Variants in FKBP4 observed in about 807,000 individuals in gnomAD.
The protein encoded by FKBP4 is peptidyl-prolyl cis-trans isomerase FKBP4.
Under a neutral mutation model 54.1 loss-of-function variants are expected in FKBP4, and 28 were observed. The observed-to-expected ratio is 0.52, with a 90% CI of 0.38 to 0.71. The LOEUF (loss-of-function observed/expected upper bound fraction) is 0.71, where lower values mean the gene tolerates loss of function less well. Among genes scored for constraint, FKBP4 ranks in the 30% least tolerant of loss-of-function variants. FKBP4 has a pLI of 0.00. For missense variants in FKBP4, 493 were observed against 574.4 expected (o/e 0.86, Z 1.45); for synonymous variants, 223 against 216.1 (o/e 1.03, Z -0.28).
rs759713773 is a variant in FKBP4 at position 2,801,113 on chromosome 12, T to G, written c.1033-4T>G. On this transcript the variant is annotated splice_region_variant and splice_polypyrimidine_tract_variant and intron_variant, in intron 8 of 9. Transcript: ENST00000001008. ...CAATGTGGCTTCCTCTCTGCATTCT[T>G]TAGGCCCTAGAACTGGACAGCAACA... The G allele has an allele frequency of 2.5e-6, 4 of 1,613,720 alleles. No homozygotes were observed. The highest frequency in any genetic ancestry group is 2.7e-5 in the African/African-American group (2 of 74,880).
At chr12:2,797,083 G>A in intron 1 of FKBP4, 55 bp from the exon 2 acceptor site, 1 of 1,605,914 alleles carries the variant, frequency 6.2e-7, no homozygotes, top group East Asian at 2.2e-5. Context: ...GGCAGTGCTG[G>A]TGCCCCTTTC....
Position 2,803,561 on chromosome 12 carries a change from A to G in FKBP4, c.*303A>G. The G allele has an allele frequency of 3.5e-6, 1 of 285,536 alleles. No homozygotes were observed. Among genetic ancestry groups the G allele is most frequent in the Non-Finnish European group, 6.9e-6 (1 of 144,390 alleles). 17.7% of individuals were successfully genotyped at this position (285,536 alleles called of 1,614,324 possible). A position where few individuals can be genotyped will look rare whatever the true frequency, so the allele number is the denominator to read the frequency against. On this transcript the variant is annotated 3_prime_UTR_variant, in exon 10 of 10. Transcript: ENST00000001008. ...TCTGTTAGGTCCATTTTCTAAGGGT[A>G]GAAGAGGCAAGTGGTAGGGATGAGG...
rs891573362 is a variant in FKBP4, at chr12:2,795,505, G to C, written c.105+261G>C. Among the ~76,000 whole-genome samples, 1 of 146,996 alleles carries C rather than the reference G, an allele frequency of 6.8e-6. No individual in the cohort carries two copies. Among genetic ancestry groups the C allele is most frequent in the Non-Finnish European group, 1.5e-5 (1 of 65,996 alleles). On this transcript the variant is annotated intron_variant, in intron 1 of 9. Coordinates refer to ENST00000001008, the MANE Select transcript of FKBP4 (RefSeq NM_002014.4). The surrounding 1 kb of genome is among the most constrained non-coding windows in gnomAD (Gnocchi z 4.3). Reference sequence around the variant, plus strand: ...CAGGCTCCCCAGCCGGCAGCGCCCGGGCCCGGGCAGGGGGTCGGGATTGCA... The same window carrying C: ...CAGGCTCCCCAGCCGGCAGCGCCCGCGCCCGGGCAGGGGGTCGGGATTGCA...
At chr12:2,796,282 G>C (rs982636879) in intron 1 of FKBP4, 1 of 1,289,222 alleles carries the variant, frequency 7.8e-7, no homozygotes, top group Non-Finnish European at 1.0e-6. Context: ...GGGACCTCAA[G>C]CGTCTGCTCC....
intron 1 of FKBP4, chr12:2,796,638 G>C (rs1259637099): frequency 8.8e-7 from 1 of 1,130,372 alleles, no homozygotes; most frequent in Admixed American, 4.5e-5. Context: ...GTTTTGAACT[G>C]TTTCTATTCT....
In FKBP4 at chr12:2,800,388, C is replaced by A; in HGVS notation, c.847-4C>A. 1 of 1,606,218 alleles carries A rather than the reference C, an allele frequency of 6.2e-7. No homozygotes were observed. The highest frequency in any genetic ancestry group is 1.7e-5 in the Admixed American group (1 of 59,382). Reference sequence around the variant, plus strand: ...CAGGTGCCTGAGCCTCTCTCCCATTCCAGGAAGGTAAATACAAGCAAGCTT... The same window carrying A: ...CAGGTGCCTGAGCCTCTCTCCCATTACAGGAAGGTAAATACAAGCAAGCTT... On this transcript the variant is annotated splice_polypyrimidine_tract_variant and splice_region_variant and intron_variant, in intron 7 of 9. Transcript: ENST00000001008.
Position 2,795,990 on chromosome 12 carries a change from TCTG to T in FKBP4, c.105+750_105+752del. Reference sequence around the variant, plus strand: ...GGGGTGTGGGGCGGGGAGGAGGCGCTCTGCTGTGGAGCCTGCCGCCGAGTGACC... The same window carrying T: ...GGGGTGTGGGGCGGGGAGGAGGCGCTCTGTGGAGCCTGCCGCCGAGTGACC... On this transcript the variant is annotated intron_variant, in intron 1 of 9. Coordinates refer to ENST00000001008, the MANE Select transcript of FKBP4 (RefSeq NM_002014.4). This position sits in a 1 kb window ranked among gnomAD's most constrained non-coding sequence, Gnocchi z 4.3. 1 of 1,096,126 alleles carries T rather than the reference TCTG, an allele frequency of 9.1e-7. No homozygotes were observed. Among genetic ancestry groups the T allele is most frequent in the Non-Finnish European group, 1.1e-6 (1 of 892,556 alleles). 67.9% of individuals were successfully genotyped at this position (1,096,126 alleles called of 1,614,324 possible).
Position 2,803,297 on chromosome 12 carries a change from C to T in FKBP4, c.*39C>T. On this transcript the variant is annotated 3_prime_UTR_variant, in exon 10 of 10. Coordinates refer to ENST00000001008, the MANE Select transcript of FKBP4 (RefSeq NM_002014.4). ...GCCCTACTCCTGCGGCTGCCTGCCC[C>T]CCAGTCTCCCCACTCCACCCTGTTA... The T allele has an allele frequency of 6.6e-6, 9 of 1,365,480 alleles. No homozygotes were observed. The highest frequency in any genetic ancestry group is 9.1e-6 in the Non-Finnish European group (9 of 985,458). 84.6% of individuals were successfully genotyped at this position (1,365,480 alleles called of 1,614,324 possible).
Position 2,798,432 on chromosome 12 carries a change from G to A in FKBP4, c.394-274G>A, listed in dbSNP as rs868163306. Reference sequence around the variant, plus strand: ...TGTGAATTAGGATTATCTGGGACGCGTCCTGATATGTCCGTGTTAGTAGAG... The same window carrying A: ...TGTGAATTAGGATTATCTGGGACGCATCCTGATATGTCCGTGTTAGTAGAG... On this transcript the variant is annotated intron_variant, in intron 3 of 9. Transcript: ENST00000001008. This position sits in a 1 kb window ranked among gnomAD's most constrained non-coding sequence, Gnocchi z 4.3. 5.3e-5 allele frequency among the ~76,000 whole-genome samples: 8 copies of A among 152,164 alleles called. No homozygotes were observed. The highest frequency in any genetic ancestry group is 1.9e-4 in the East Asian group (1 of 5,196).
Position 2,795,100 on chromosome 12 carries a change from G to A in FKBP4, c.-40G>A, listed in dbSNP as rs769084020. ...CGCCCGCGGCCCAGAGTGCGCTCGCGCCGGCACCAGCTCCCGGATAAACGG... is the reference window on the plus strand; with the variant it reads ...CGCCCGCGGCCCAGAGTGCGCTCGCACCGGCACCAGCTCCCGGATAAACGG... On this transcript the variant is annotated 5_prime_UTR_variant, in exon 1 of 10. Coordinates refer to ENST00000001008, the MANE Select transcript of FKBP4 (RefSeq NM_002014.4). The surrounding 1 kb of genome is among the most constrained non-coding windows in gnomAD (Gnocchi z 4.3). The A allele has an allele frequency of 1.6e-6, 2 of 1,243,490 alleles. No homozygotes were observed. The highest frequency in any genetic ancestry group is 7.0e-5 in the South Asian group (2 of 28,754). The allele number at this position is 1,243,490 out of a possible 1,614,324, so 77.0% of individuals were successfully genotyped here.
intron 2 of FKBP4, 138 bp from the exon 3 acceptor site, chr12:2,797,591 G>A (rs1174475658): frequency 3.8e-6 from 4 of 1,052,486 alleles, no homozygotes; most frequent in Admixed American, 5.2e-5. Context: ...AATACAACCA[G>A]GTACCTCACC....
In FKBP4 at chr12:2,803,293, G is replaced by GC; in HGVS notation, c.*41dup. ...ACCAGCCCTACTCCTGCGGCTGCCT[G>GC]CCCCCCAGTCTCCCCACTCCACCCT... On this transcript the variant is annotated 3_prime_UTR_variant, in exon 10 of 10. Transcript: ENST00000001008. 6.9e-7 allele frequency: 1 copy of GC among 1,442,198 alleles called. No individual in the cohort carries two copies. Among genetic ancestry groups the GC allele is most frequent in the Non-Finnish European group, 9.5e-7 (1 of 1,054,498 alleles). The allele number at this position is 1,442,198 out of a possible 1,614,324, so 89.3% of individuals were successfully genotyped here. A position where few individuals can be genotyped will look rare whatever the true frequency, so the allele number is the denominator to read the frequency against.
At chr12:2,796,533 A>G in intron 1 of FKBP4, 3 of 1,193,678 alleles carry the variant, frequency 2.5e-6, no homozygotes, top group Non-Finnish European at 3.2e-6. Flanking sequence ...CCAGCCCTGG[A>G]CTAACTACCA....
chr12:2,796,192 T>G (rs2097901740), intron 1 of FKBP4: 1 of 1,286,064 alleles, frequency 7.8e-7, no homozygotes, highest in Non-Finnish European at 1.0e-6. Context: ...TTCCCACCGC[T>G]GAGCTCCGCG....
At chr12:2,801,519 T>C (rs2153920438) in intron 9 of FKBP4, 163 bp downstream of exon 9, 2 of 1,006,844 alleles carry the variant, frequency 2.0e-6, no homozygotes, top group East Asian at 5.2e-5. Flanking sequence ...GGGCCAGTGT[T>C]CTGTGATCAG....
chr12:2,802,433 C>T (rs2097905367), intron 9 of FKBP4, among the ~76,000 whole-genome samples: 2 of 152,162 alleles, frequency 1.3e-5, no homozygotes, highest in Admixed American at 1.3e-4. Context: ...CACACCCAGC[C>T]AGTCTTAAAC....
chr12:2,798,429 C>T lies in FKBP4; in HGVS notation c.394-277C>T, dbSNP rs1449358797. Among the ~76,000 whole-genome samples the T allele has an allele frequency of 3.3e-5, 5 of 152,190 alleles. No homozygotes were observed. Among genetic ancestry groups the T allele is most frequent in the African/African-American group, 1.2e-4 (5 of 41,448 alleles). ...TAGTGTGAATTAGGATTATCTGGGACGCGTCCTGATATGTCCGTGTTAGTA... is the reference window on the plus strand; with the variant it reads ...TAGTGTGAATTAGGATTATCTGGGATGCGTCCTGATATGTCCGTGTTAGTA... On this transcript the variant is annotated intron_variant, in intron 3 of 9. Coordinates refer to ENST00000001008, the MANE Select transcript of FKBP4 (RefSeq NM_002014.4). This position sits in a 1 kb window ranked among gnomAD's most constrained non-coding sequence, Gnocchi z 4.3.
At chr12:2,799,367 A>G (rs1325558502) in intron 5 of FKBP4, 123 bp downstream of exon 5, 2 of 1,032,506 alleles carry the variant, frequency 1.9e-6, no homozygotes, top group African/African-American at 1.6e-5. Context: ...ATACACCATT[A>G]TGATATCCTC....
In FKBP4 at chr12:2,795,322, CGGCCGGGCACGG is replaced by C; in HGVS notation, c.105+80_105+91del. On this transcript the variant is annotated intron_variant, in intron 1 of 9. Coordinates refer to ENST00000001008, the MANE Select transcript of FKBP4 (RefSeq NM_002014.4). The surrounding 1 kb of genome is among the most constrained non-coding windows in gnomAD (Gnocchi z 4.3). ...GCCCTTCCGCCGCGCCCGGAGCCCG[CGGCCGGGCACGG>C]GTCGAGGCGGCCGCCTTTGCAGCCT... 2.8e-6 allele frequency: 2 copies of C among 715,040 alleles called. No individual in the cohort carries two copies. Among genetic ancestry groups the C allele is most frequent in the Non-Finnish European group, 3.6e-6 (2 of 548,542 alleles). The allele number at this position is 715,040 out of a possible 1,614,324, so 44.3% of individuals were successfully genotyped here.
Sources: allele counts gnomAD v4.1 joint callset (sites outside exome capture counted in the v4.1 genomes callset), GRCh38; gene constraint gnomAD v4.1.1; non-coding constraint Gnocchi (gnomAD v3.1); transcripts MANE v1.5; gene names NCBI Gene and HGNC (gene_info 2026-07-23, HGNC 2026-07-21).